Variants in PFDN2 observed in about 807,000 individuals in gnomAD.
The protein encoded by PFDN2 is prefoldin 2.
A neutral mutation model predicts 18.3 loss-of-function variants in PFDN2; 7 were observed. The observed-to-expected ratio is 0.38, with a 90% CI of 0.22 to 0.72. The LOEUF (loss-of-function observed/expected upper bound fraction) is 0.72, where lower values mean the gene tolerates loss of function less well. Among genes scored for constraint, PFDN2 ranks in the 30% least tolerant of loss-of-function variants. The probability of loss-of-function intolerance (pLI) is 0.47; values close to 1 mark genes in which losing one functional copy is unlikely to be tolerated. For synonymous variants in PFDN2, 76 were observed against 75.0 expected (o/e 1.01, Z -0.07); for missense variants, 181 against 199.1 (o/e 0.91, Z 0.55).
intron 1 of PFDN2, among the ~76,000 whole-genome samples, chr1:161,107,214 A>C (rs1654695336): frequency 6.6e-6 from 1 of 152,176 alleles, no homozygotes; most frequent in African/African-American, 2.4e-5. Context: ...TCACGAGGTC[A>C]GGAGATCCAG....
Position 161,114,104 on chromosome 1 carries a change from C to T in PFDN2, c.75+3848G>A, listed in dbSNP as rs146020686. Among the ~76,000 whole-genome samples the T allele has an allele frequency of 5.3e-5, 8 of 152,242 alleles. No homozygotes were observed. In the East Asian group the frequency reaches 1.5e-3, roughly 29 times the overall value. On this transcript the variant is annotated intron_variant, in intron 1 of 3. Coordinates refer to ENST00000368010, the MANE Select transcript of PFDN2 (RefSeq NM_012394.4). ...GAAAGTGATCATTTTTATCCATAAC[C>T]ACGGCTTTATCATCCATAAACTCAA...
intron 1 of PFDN2, among the ~76,000 whole-genome samples, chr1:161,102,687 C>T (rs1292752105): frequency 2.0e-5 from 3 of 152,068 alleles, no homozygotes; most frequent in Admixed American, 6.6e-5. Flanking sequence ...GGGCCAGGTG[C>T]GGTGGCTCAC....
intron 1 of PFDN2, among the ~76,000 whole-genome samples, chr1:161,106,377 T>A: frequency 6.6e-6 from 1 of 152,196 alleles, no homozygotes; most frequent in East Asian, 1.9e-4. Context: ...CTGTAGACTA[T>A]ATGTAAATAA....
intron 1 of PFDN2, among the ~76,000 whole-genome samples, chr1:161,105,218 C>A (rs953719847): frequency 6.6e-6 from 1 of 152,108 alleles, no homozygotes; most frequent in Non-Finnish European, 1.5e-5. Flanking sequence ...TCAAGTGATC[C>A]TTCTGCCTCA....
intron 3 of PFDN2, among the ~76,000 whole-genome samples, chr1:161,101,320 C>T (rs1654554109): frequency 6.6e-6 from 1 of 151,792 alleles, no homozygotes; most frequent in South Asian, 2.1e-4. Flanking sequence ...CTGCCTTGCC[C>T]TCCCGAGTAG....
chr1:161,100,678 G>C lies in PFDN2; in HGVS notation c.*5C>G, dbSNP rs1274882624. The C allele has an allele frequency of 3.2e-6, 5 of 1,579,312 alleles. No homozygotes were observed. The highest frequency in any genetic ancestry group is 3.4e-6 in the Non-Finnish European group (4 of 1,163,038). ...GGGTAGAAAAAAATGCAAAGGCCTT[G>C]GTCCCTAGGAGACCAACACTCCAGC... On this transcript the variant is annotated 3_prime_UTR_variant, in exon 4 of 4. Coordinates refer to ENST00000368010, the MANE Select transcript of PFDN2 (RefSeq NM_012394.4).
At chr1:161,113,159 T>G (rs1475292305) in intron 1 of PFDN2, among the ~76,000 whole-genome samples, 1 of 152,228 alleles carries the variant, frequency 6.6e-6, no homozygotes, top group Admixed American at 6.5e-5. Flanking sequence ...TCCTCACTGC[T>G]TATGTTAAAA....
At chr1:161,102,914 C>T (rs1426382689) in intron 1 of PFDN2, among the ~76,000 whole-genome samples, 3 of 149,998 alleles carry the variant, frequency 2.0e-5, no homozygotes, top group Admixed American at 6.7e-5. Flanking sequence ...GCCAAGATCG[C>T]ACCACTGCAC....
chr1:161,109,130 C>T (rs559872780), intron 1 of PFDN2, among the ~76,000 whole-genome samples: 1 of 152,356 alleles, frequency 6.6e-6, no homozygotes, highest in African/African-American at 2.4e-5. Flanking sequence ...GTTCCCTCCA[C>T]ATCTTAACTC....
intron 3 of PFDN2, among the ~76,000 whole-genome samples, chr1:161,101,768 A>G (rs2101698271): frequency 6.6e-6 from 1 of 151,150 alleles, no homozygotes; most frequent in South Asian, 2.1e-4. Flanking sequence ...CCCTCCTTTT[A>G]TCTGAGACAG....
intron 1 of PFDN2, among the ~76,000 whole-genome samples, chr1:161,106,460 T>C (rs1346101081): frequency 6.6e-6 from 1 of 152,142 alleles, no homozygotes; most frequent in Non-Finnish European, 1.5e-5. Flanking sequence ...CCCACATTTT[T>C]CCTTTTAAAA....
At chr1:161,116,838 G>T (rs1654950129) in intron 1 of PFDN2, among the ~76,000 whole-genome samples, 1 of 152,008 alleles carries the variant, frequency 6.6e-6, no homozygotes, top group African/African-American at 2.4e-5. Context: ...CTCCAGCCTG[G>T]ATGACAGAGC....
rs192213608 is a variant in PFDN2, at chr1:161,115,287, C to T, written c.75+2665G>A. 3.0e-3 allele frequency among the ~76,000 whole-genome samples: 456 copies of T among 152,322 alleles called. 3 individuals carry two copies. The highest frequency in any genetic ancestry group is 2.6e-3 in the Non-Finnish European group (178 of 68,024). On this transcript the variant is annotated intron_variant, in intron 1 of 3. Transcript: ENST00000368010. ...CCATGTTGGCCAAGCTGGTCTCGAA[C>T]TCCTGACCTCAGATGATCCACCCAC...
chr1:161,105,275 T>C (rs972158828), intron 1 of PFDN2, among the ~76,000 whole-genome samples: 2 of 151,602 alleles, frequency 1.3e-5, no homozygotes, highest in African/African-American at 4.8e-5. Flanking sequence ...CACGCAATTA[T>C]TTTTATTTAT....
intron 1 of PFDN2, 113 bp downstream of exon 1, chr1:161,117,839 G>A: frequency 1.0e-6 from 1 of 967,710 alleles, no homozygotes; most frequent in Non-Finnish European, 1.5e-6. Flanking sequence ...CCCTCTCTAG[G>A]TGCCACGCAC....
intron 1 of PFDN2, among the ~76,000 whole-genome samples, chr1:161,114,485 C>T (rs1341361360): frequency 4.6e-5 from 7 of 152,214 alleles, no homozygotes; most frequent in Admixed American, 3.3e-4. Flanking sequence ...GAAAATCTTC[C>T]ACTTCCTTCT....
At chr1:161,117,190 C>A (rs1302867979) in intron 1 of PFDN2, among the ~76,000 whole-genome samples, 1 of 151,992 alleles carries the variant, frequency 6.6e-6, no homozygotes, top group African/African-American at 2.4e-5. Flanking sequence ...GGCGAGATCG[C>A]GCCACTGCAT....
At chr1:161,110,460 C>T (rs1262692388) in intron 1 of PFDN2, among the ~76,000 whole-genome samples, 1 of 152,154 alleles carries the variant, frequency 6.6e-6, no homozygotes, top group Non-Finnish European at 1.5e-5. Context: ...TTATTCCTGG[C>T]TTATCAAATA....
At chr1:161,109,052 G>A (rs146031756) in intron 1 of PFDN2, among the ~76,000 whole-genome samples, 1 of 152,126 alleles carries the variant, frequency 6.6e-6, no homozygotes, top group Non-Finnish European at 1.5e-5. Context: ...AATGCTCACA[G>A]GATAAAATCT....
Sources: gnomAD v4.1 joint callset for allele counts (sites outside exome capture counted in the v4.1 genomes callset) on GRCh38, gnomAD v4.1.1 for gene constraint, MANE v1.5 for transcripts, NCBI Gene and HGNC (gene_info 2026-07-23, HGNC 2026-07-21) for gene names.